The following CCDC180 variants were observed in gnomAD, a reference collection of about 807,000 sequenced individuals.
CCDC180 encodes coiled-coil domain containing 180, also known as coiled-coil domain-containing protein 180.
In CCDC180, 154 loss-of-function variants were observed where a neutral mutation model predicts 209.2. The observed-to-expected ratio is 0.74, with a 90% confidence interval of 0.65 to 0.84. CCDC180 has a LOEUF of 0.84. Ranked by LOEUF, CCDC180 falls within the 40% of genes least tolerant of loss-of-function variation. The probability of loss-of-function intolerance (pLI) is 0.00; values close to 1 mark genes in which losing one functional copy is unlikely to be tolerated. For synonymous variants in CCDC180, 778 were observed against 749.1 expected (o/e 1.04, Z -0.63); for missense variants, 1,874 against 1,997.3 (o/e 0.94, Z 1.18).
intron 34 of CCDC180, chr9:97,373,940 C>G (rs1464268641): frequency 6.6e-6 from 1 of 152,396 alleles, no homozygotes; most frequent in Non-Finnish European, 1.5e-5. Flanking sequence ...GCAAGGAACC[C>G]CTGAGCCAGG....
chr9:97,366,507 G>A lies in CCDC180; in HGVS notation c.4048-52G>A. 1 of 1,584,334 alleles carries A rather than the reference G, an allele frequency of 6.3e-7. No homozygotes were observed. The highest frequency in any genetic ancestry group is 8.6e-7 in the Non-Finnish European group (1 of 1,163,638). Reference sequence around the variant, plus strand: ...GCAGGCTGGTGGATCCCAGGAGCAAGGGCCAGAGTCCCATGGAGTCCTCAC... The same window carrying A: ...GCAGGCTGGTGGATCCCAGGAGCAAAGGCCAGAGTCCCATGGAGTCCTCAC... On this transcript the variant is annotated intron_variant, in intron 30 of 36. Coordinates refer to ENST00000529487, the MANE Select transcript of CCDC180 (RefSeq NM_020893.6). The surrounding 1 kb of genome is among the most constrained non-coding windows in gnomAD (Gnocchi z 4.3).
chr9:97,369,670 G>T (rs1375956446), intron 31 of CCDC180: 2 of 343,832 alleles, frequency 5.8e-6, no homozygotes, highest in Non-Finnish European at 1.1e-5. Context: ...TGAACTCCTG[G>T]CCTCAAGCAA....
rs1564165629 is a variant in CCDC180, at chr9:97,347,314, A to T, written c.2499A>T (p.Gln833His). ...TGACCCTGGCTGGTCTCGCCCTCAG[A>T]CTTCGAGCTGGCTTCTTCGAGCACC... ...PSRLILEIKK[Q>H]LRAGFFEHLE... The change falls in exon 20 of 37, where the codon CAA becomes CAT. Residue 833 changes from glutamine (Q) to histidine (H), a missense_variant and splice_region_variant. Coordinates refer to ENST00000529487, the MANE Select transcript of CCDC180 (RefSeq NM_020893.6). 1 of 1,535,754 alleles carries T rather than the reference A, an allele frequency of 6.5e-7. No homozygotes were observed. Among genetic ancestry groups the T allele is most frequent in the Admixed American group, 2.0e-5 (1 of 50,998 alleles).
At position 97,318,592 on chromosome 9, in the gene CCDC180, G is replaced by A; in HGVS notation, c.1079+10G>A. On this transcript the variant is annotated intron_variant, in intron 10 of 36. Transcript: ENST00000529487. Reference sequence around the variant, plus strand: ...ATCTCTGCACCATCTGGTATGGGCAGGAGGGGCGGCCCAGGAGGGGTGCTT... The same window carrying A: ...ATCTCTGCACCATCTGGTATGGGCAAGAGGGGCGGCCCAGGAGGGGTGCTT... 6.2e-7 allele frequency: 1 copy of A among 1,611,152 alleles called. No homozygotes were observed. The highest frequency in any genetic ancestry group is 8.5e-7 in the Non-Finnish European group (1 of 1,179,310).
At chr9:97,376,690 T>TAA in intron 36 of CCDC180, 73 bp from the exon 37 acceptor site, 1 of 1,518,268 alleles carries the variant, frequency 6.6e-7, no homozygotes, top group South Asian at 1.3e-5. Flanking sequence ...GCCAGCAAGT[T>TAA]ACAGCATTGC....
At chr9:97,343,948 T>C (rs965438032) in intron 19 of CCDC180, among the ~76,000 whole-genome samples, 21 of 152,236 alleles carry the variant, frequency 1.4e-4, no homozygotes, top group Admixed American at 2.0e-4. Context: ...ATATCTCATG[T>C]ATGGTATTTT....
At chr9:97,352,267 CA>C (rs1299875649) in intron 22 of CCDC180, among the ~76,000 whole-genome samples, 1 of 152,182 alleles carries the variant, frequency 6.6e-6, no homozygotes, top group Non-Finnish European at 1.5e-5. Flanking sequence ...ATAGCCTCTT[CA>C]TACGAGAGTG....
At position 97,350,555 on chromosome 9, in the gene CCDC180, G is replaced by A; in HGVS notation, c.3002G>A (p.Arg1001Lys). ...YSNIEFIKHC[R>K]LFSEGGNFSP... ...AATATTGAGTTCATCAAACACTGCAGGTGGGAGCCAGTGTCCAGGGCCTCT... is the reference window on the plus strand; with the variant it reads ...AATATTGAGTTCATCAAACACTGCAAGTGGGAGCCAGTGTCCAGGGCCTCT... The change falls in exon 22 of 37, where the codon AGA (arginine) becomes AAA (lysine). Residue 1001 changes from arginine (R) to lysine (K), a missense_variant and splice_region_variant. Coordinates refer to ENST00000529487, the MANE Select transcript of CCDC180 (RefSeq NM_020893.6). 2 of 1,536,408 alleles carry A rather than the reference G, an allele frequency of 1.3e-6. No homozygotes were observed. The highest frequency in any genetic ancestry group is 1.2e-5 in the South Asian group (1 of 84,046).
Position 97,326,568 on chromosome 9 carries a change from C to T in CCDC180, c.1560C>T (p.His520=). The part of the protein sequence containing the change: ...HSLESQVQEA[H]LDRLLDQLRQ... ...GTGGCTTCCAGGTGCAGGAGGCCCACCTCGATAGGCTCTTGGACCAACTGA... is the reference window on the plus strand; with the variant it reads ...GTGGCTTCCAGGTGCAGGAGGCCCATCTCGATAGGCTCTTGGACCAACTGA... Residue 520 remains histidine (H), a synonymous_variant, in exon 15 of 37, where the codon CAC becomes CAT. Transcript: ENST00000529487. The T allele has an allele frequency of 6.2e-7, 1 of 1,612,530 alleles. No homozygotes were observed. Among genetic ancestry groups the T allele is most frequent in the South Asian group, 1.1e-5 (1 of 91,014 alleles).
At chr9:97,373,035 C>T (rs1587839191) in intron 34 of CCDC180, 1 of 152,272 alleles carries the variant, frequency 6.6e-6, no homozygotes. Context: ...TCTGTGATCC[C>T]ATCTTTTAAA....
At chr9:97,308,248 T>G (rs1832863435) in intron 2 of CCDC180, 116 bp downstream of exon 2, 1 of 875,482 alleles carries the variant, frequency 1.1e-6, no homozygotes, top group South Asian at 3.6e-5. Flanking sequence ...GGCTTTGAAA[T>G]TACTTTGATT....
rs1827238853 is a variant in CCDC180 at position 97,375,750 on chromosome 9, T to C, written c.4842+161T>C. The C allele has an allele frequency of 3.8e-6, 3 of 790,738 alleles. No individual in the cohort carries two copies. The South Asian group carries it at 5.4e-5, about 14-fold the overall frequency. 49.0% of individuals were successfully genotyped at this position (790,738 alleles called of 1,614,324 possible). A position where few individuals can be genotyped will look rare whatever the true frequency, so the allele number is the denominator to read the frequency against. The stretch of plus-strand genomic sequence containing the variant: ...CTGCAGGTCTCAACACTCAGGACAG[T>C]CACCATTCACAGGCACGAGGACATT... On this transcript the variant is annotated intron_variant, in intron 36 of 36. Transcript: ENST00000529487.
intron 29 of CCDC180, 154 bp from the exon 30 acceptor site, chr9:97,365,519 A>G (rs1826893399): frequency 2.9e-6 from 2 of 684,116 alleles, no homozygotes; most frequent in South Asian, 3.4e-5. Context: ...ATGGAGTGGA[A>G]TCAGAGTGTG....
At chr9:97,315,216 C>T (rs894096436) in intron 8 of CCDC180, among the ~76,000 whole-genome samples, 1 of 152,132 alleles carries the variant, frequency 6.6e-6, no homozygotes, top group African/African-American at 2.4e-5. Flanking sequence ...ATAGGGCTAT[C>T]GTCTGGAGCG....
At chr9:97,373,226 A>T (rs1030121374) in intron 34 of CCDC180, 1 of 152,230 alleles carries the variant, frequency 6.6e-6, no homozygotes, top group Non-Finnish European at 1.5e-5. Flanking sequence ...TAATGTGCAT[A>T]TTACTTTTAT....
chr9:97,322,062 G>A (rs942515303), intron 11 of CCDC180, among the ~76,000 whole-genome samples: 6 of 152,136 alleles, frequency 3.9e-5, no homozygotes, highest in Non-Finnish European at 7.4e-5. Context: ...GGCGCAAATG[G>A]CCCAGAGGGA....
intron 28 of CCDC180, 76 bp from the exon 29 acceptor site, chr9:97,363,975 C>A: frequency 7.0e-7 from 1 of 1,436,014 alleles, no homozygotes; most frequent in South Asian, 1.2e-5. Context: ...GAAACCCAGG[C>A]AGGGATCCTG....
At chr9:97,319,995 C>T (rs1242840926) in intron 10 of CCDC180, 131 bp from the exon 11 acceptor site, 1 of 736,268 alleles carries the variant, frequency 1.4e-6, no homozygotes, top group Non-Finnish European at 2.4e-6. Flanking sequence ...AGGAAATCCC[C>T]AGCAGTTCCC....
chr9:97,308,289 G>A (rs1832864079), intron 2 of CCDC180, among the ~76,000 whole-genome samples, 157 bp downstream of exon 2: 1 of 152,056 alleles, frequency 6.6e-6, no homozygotes, highest in Non-Finnish European at 1.5e-5. Flanking sequence ...TTCTTAAATC[G>A]TACCAATACA....
Sources: allele counts gnomAD v4.1 joint callset (sites outside exome capture counted in the v4.1 genomes callset), GRCh38; gene constraint gnomAD v4.1.1; non-coding constraint Gnocchi (gnomAD v3.1); transcripts MANE v1.5; gene names NCBI Gene and HGNC (gene_info 2026-07-23, HGNC 2026-07-21).